Variants in STXBP5 observed in about 807,000 individuals in gnomAD.
STXBP5 encodes syntaxin binding protein 5, also known as syntaxin-binding protein 5.
STXBP5 carries 50 observed loss-of-function variants against 152.4 expected under a neutral mutation model. The observed-to-expected ratio is 0.33, with a 90% CI of 0.26 to 0.42. The LOEUF (loss-of-function observed/expected upper bound fraction) is 0.42. Ranked by LOEUF, STXBP5 falls within the 10% of genes least tolerant of loss-of-function variation. STXBP5 has a pLI of 1.00. For synonymous variants in STXBP5, 492 were observed against 494.7 expected, an observed-to-expected ratio of 0.99 and a Z score of 0.07; for missense variants, 1,167 against 1,388.6, an observed-to-expected ratio of 0.84 and a Z score of 2.54.
At chr6:147,373,068 T>G (rs1327695967) in intron 25 of STXBP5, among the ~76,000 whole-genome samples, 3 of 152,172 alleles carry the variant, frequency 2.0e-5, no homozygotes, top group African/African-American at 4.8e-5. Context: ...ATACTTGCTG[T>G]TAAAAAGTTT....
At chr6:147,329,525 G>A (rs150599173) in intron 18 of STXBP5, among the ~76,000 whole-genome samples, 1 of 144,632 alleles carries the variant, frequency 6.9e-6, no homozygotes, top group Non-Finnish European at 1.5e-5. Context: ...AAAATTCTTT[G>A]TCATGATGTA....
intron 23 of STXBP5, among the ~76,000 whole-genome samples, chr6:147,361,450 T>C (rs1266168585): frequency 6.6e-6 from 1 of 152,046 alleles, no homozygotes; most frequent in Non-Finnish European, 1.5e-5. Flanking sequence ...TTGAGGTTTG[T>C]TTTTAATAAG....
chr6:147,354,789 T>C (rs1784743603), intron 22 of STXBP5, among the ~76,000 whole-genome samples: 1 of 152,208 alleles, frequency 6.6e-6, no homozygotes, highest in African/African-American at 2.4e-5. Flanking sequence ...ATGGTTTAGC[T>C]AGCATGCCCA....
chr6:147,237,445 G>A (rs1778334336), intron 3 of STXBP5, among the ~76,000 whole-genome samples: 1 of 152,100 alleles, frequency 6.6e-6, no homozygotes, highest in African/African-American at 2.4e-5. Context: ...TGCTATTTTG[G>A]CTCTATGTCT....
chr6:147,215,438 T>C (rs1363606744), intron 2 of STXBP5, among the ~76,000 whole-genome samples: 1 of 152,146 alleles, frequency 6.6e-6, no homozygotes, highest in Non-Finnish European at 1.5e-5. Flanking sequence ...TGGAGTATAG[T>C]GGTGCTATCT....
chr6:147,257,030 A>G (rs897430105), intron 4 of STXBP5, among the ~76,000 whole-genome samples: 1 of 152,040 alleles, frequency 6.6e-6, no homozygotes, highest in African/African-American at 2.4e-5. Context: ...AGCAAATAGG[A>G]TGTATGTGTT....
chr6:147,314,406 A>T, intron 13 of STXBP5, 75 bp downstream of exon 13: 1 of 1,418,906 alleles, frequency 7.0e-7, no homozygotes, highest in Non-Finnish European at 1.0e-6. Context: ...ATGAATGTTA[A>T]CTTACTGGAC....
chr6:147,296,396 A>G (rs1373650859), intron 9 of STXBP5, among the ~76,000 whole-genome samples: 1 of 152,146 alleles, frequency 6.6e-6, no homozygotes, highest in South Asian at 2.1e-4. Flanking sequence ...CAGCTGAAGA[A>G]ATTGCATGGA....
chr6:147,322,725 T>C (rs1782999191), intron 16 of STXBP5, among the ~76,000 whole-genome samples: 1 of 152,234 alleles, frequency 6.6e-6, no homozygotes, highest in African/African-American at 2.4e-5. Context: ...AAAATGTTTT[T>C]AACTTAAAGT....
intron 7 of STXBP5, among the ~76,000 whole-genome samples, chr6:147,270,768 C>T (rs1562452499): frequency 6.6e-6 from 1 of 151,942 alleles, no homozygotes; most frequent in East Asian, 1.9e-4. Flanking sequence ...ATTAATTATC[C>T]AAGCCAAATA....
intron 19 of STXBP5, among the ~76,000 whole-genome samples, chr6:147,336,062 G>T (rs1783812120): frequency 6.6e-6 from 1 of 152,212 alleles, no homozygotes; most frequent in Non-Finnish European, 1.5e-5. Context: ...AGAAACCTTT[G>T]TTTAGGCTTT....
chr6:147,220,002 A>G (rs796918723), intron 2 of STXBP5, among the ~76,000 whole-genome samples: 12 of 151,818 alleles, frequency 7.9e-5, no homozygotes, highest in African/African-American at 2.4e-4. Flanking sequence ...TCTTTAATAT[A>G]TATGAATTCA....
chr6:147,261,384 C>G (rs923703898), intron 5 of STXBP5, among the ~76,000 whole-genome samples: 15 of 151,904 alleles, frequency 9.9e-5, no homozygotes, highest in Admixed American at 7.9e-4. Flanking sequence ...TATCTTATCT[C>G]TTTCTACAAG....
In STXBP5 at chr6:147,372,406, C is replaced by CTTTTTTTTTTTTTTTTTTTTTTT; in HGVS notation, c.3082-1325_3082-1324insTTTTTTTTTTTTTTTTTTTTTTT. Among the ~76,000 whole-genome samples, 111 of 39,108 alleles carry CTTTTTTTTTTTTTTTTTTTTTTT rather than the reference C, an allele frequency of 2.8e-3. 54 individuals carry two copies. Among genetic ancestry groups the CTTTTTTTTTTTTTTTTTTTTTTT allele is most frequent in the East Asian group, 6.5e-3 (6 of 918 alleles). The allele number at this position is 39,108 out of a possible 152,430, so 25.7% of individuals were successfully genotyped here. A position where few individuals can be genotyped will look rare whatever the true frequency, so the allele number is the denominator to read the frequency against. ...ATATAAATGTTACTACCGTCCTTTT[C>CTTTTTTTTTTTTTTTTTTTTTTT]CTTTTTTTTTTTTTTTTTTTTTTTT... On this transcript the variant is annotated intron_variant, in intron 25 of 27. Coordinates refer to ENST00000321680, the MANE Select transcript of STXBP5 (RefSeq NM_001127715.4).
intron 5 of STXBP5, among the ~76,000 whole-genome samples, chr6:147,261,157 T>C (rs1220522818): frequency 6.6e-6 from 1 of 152,064 alleles, no homozygotes; most frequent in Non-Finnish European, 1.5e-5. Context: ...CTACTTGATA[T>C]GTTTTAATAA....
At chr6:147,340,149 T>C (rs1784025637) in intron 21 of STXBP5, among the ~76,000 whole-genome samples, 1 of 152,064 alleles carries the variant, frequency 6.6e-6, no homozygotes. Flanking sequence ...ATTGTATTAT[T>C]TCCTCCCAAA....
At chr6:147,272,565 A>G (rs1437259340) in intron 7 of STXBP5, among the ~76,000 whole-genome samples, 1 of 152,172 alleles carries the variant, frequency 6.6e-6, no homozygotes, top group Non-Finnish European at 1.5e-5. Flanking sequence ...AGAAATTATT[A>G]TAGGCATAAT....
At chr6:147,221,868 C>G (rs1777478757) in intron 2 of STXBP5, among the ~76,000 whole-genome samples, 1 of 151,738 alleles carries the variant, frequency 6.6e-6, no homozygotes, top group Non-Finnish European at 1.5e-5. Context: ...TTTCTGTTCC[C>G]TCTTCTCCTG....
chr6:147,378,166 A>T (rs1785903385), intron 26 of STXBP5, among the ~76,000 whole-genome samples: 1 of 152,054 alleles, frequency 6.6e-6, no homozygotes, highest in Non-Finnish European at 1.5e-5. Flanking sequence ...AAATAATTCA[A>T]CTCTCACACA....
Sources: allele counts gnomAD v4.1 joint callset (sites outside exome capture counted in the v4.1 genomes callset), GRCh38; gene constraint gnomAD v4.1.1; transcripts MANE v1.5; gene names NCBI Gene and HGNC (gene_info 2026-07-23, HGNC 2026-07-21).